SYN3: variants seen among roughly 807,000 people sequenced by gnomAD.
SYN3 encodes the protein synapsin-3.
In SYN3, 35 loss-of-function variants were observed where a neutral mutation model predicts 65.8. That is an observed-to-expected ratio of 0.53 (90% CI 0.41 to 0.70). SYN3 has a LOEUF of 0.70. Among genes scored for constraint, SYN3 ranks in the 30% least tolerant of loss-of-function variants. The pLI, the probability that SYN3 is intolerant of heterozygous loss-of-function variation, is 0.00. For synonymous variants in SYN3, 270 were observed against 292.9 expected (o/e 0.92, Z 0.80); for missense variants, 680 against 749.0 (o/e 0.91, Z 1.08).
chr22:32,749,122 G>C (rs1192888784), intron 6 of SYN3, among the ~76,000 whole-genome samples: 1 of 152,050 alleles, frequency 6.6e-6, no homozygotes, highest in Non-Finnish European at 1.5e-5. Flanking sequence ...CCAATATTAA[G>C]GTGTTGGCAA....
At chr22:33,047,119 G>A (rs1369623518) in intron 1 of SYN3, among the ~76,000 whole-genome samples, 3 of 152,088 alleles carry the variant, frequency 2.0e-5, no homozygotes, top group Admixed American at 6.5e-5. Context: ...ATCTATAATA[G>A]TATTTCCCTC....
chr22:33,047,230 G>A (rs2054082833), intron 1 of SYN3, among the ~76,000 whole-genome samples: 1 of 152,128 alleles, frequency 6.6e-6, no homozygotes, highest in South Asian at 2.1e-4. Context: ...AATATAAGAT[G>A]CATGAGGGTA....
chr22:32,625,709 C>A (rs1191690583), intron 6 of SYN3, among the ~76,000 whole-genome samples: 1 of 152,184 alleles, frequency 6.6e-6, no homozygotes, highest in Non-Finnish European at 1.5e-5. Flanking sequence ...CCCACCTCTT[C>A]CCCTGACAGT....
chr22:32,840,593 C>T (rs1223501258), intron 6 of SYN3, among the ~76,000 whole-genome samples: 1 of 151,976 alleles, frequency 6.6e-6, no homozygotes, highest in East Asian at 1.9e-4. Flanking sequence ...TTGCTCAGAG[C>T]CCGGCTGTGA....
chr22:32,797,250 G>A (rs2046451644), intron 6 of SYN3, among the ~76,000 whole-genome samples: 1 of 152,176 alleles, frequency 6.6e-6, no homozygotes, highest in African/African-American at 2.4e-5. Context: ...GAAAGGGGTC[G>A]GTGGTGCTGA....
chr22:32,562,142 C>T (rs894957197), intron 7 of SYN3, among the ~76,000 whole-genome samples: 12 of 152,200 alleles, frequency 7.9e-5, no homozygotes, highest in African/African-American at 2.9e-4. Context: ...AACATCCCCC[C>T]CAATACTTAA....
chr22:33,010,412 C>T (rs1290022838), intron 1 of SYN3, among the ~76,000 whole-genome samples: 2 of 152,074 alleles, frequency 1.3e-5, no homozygotes, highest in East Asian at 1.9e-4. Context: ...ATCCAGGTTG[C>T]CAGCACCATT....
chr22:32,754,294 G>T (rs972742639), intron 6 of SYN3, among the ~76,000 whole-genome samples: 4 of 152,232 alleles, frequency 2.6e-5, no homozygotes, highest in Non-Finnish European at 5.9e-5. Context: ...TGGGATTACA[G>T]GCACCTGCAA....
chr22:32,923,047 A>G (rs2050375198), intron 4 of SYN3, among the ~76,000 whole-genome samples: 1 of 152,194 alleles, frequency 6.6e-6, no homozygotes, highest in Admixed American at 6.5e-5. Context: ...AAGTTCCACA[A>G]GATGCTGGCT....
At chr22:32,656,098 G>A (rs951605164) in intron 6 of SYN3, among the ~76,000 whole-genome samples, 16 of 152,222 alleles carry the variant, frequency 1.1e-4, no homozygotes, top group Non-Finnish European at 1.8e-4. Context: ...AAACCAGTAA[G>A]TGTCCTTCCT....
chr22:33,020,076 TGA>T (rs2053535533), intron 1 of SYN3, among the ~76,000 whole-genome samples: 1 of 152,158 alleles, frequency 6.6e-6, no homozygotes, highest in African/African-American at 2.4e-5. Context: ...CAACCATCCC[TGA>T]GAGTCATTAA....
At chr22:32,557,263 A>G in intron 7 of SYN3, among the ~76,000 whole-genome samples, 1 of 152,152 alleles carries the variant, frequency 6.6e-6, no homozygotes, top group Non-Finnish European at 1.5e-5. Context: ...GAGGGTGACC[A>G]ACACCACAAA....
chr22:32,546,630 G>C (rs1030779180), intron 7 of SYN3, among the ~76,000 whole-genome samples: 5 of 152,132 alleles, frequency 3.3e-5, no homozygotes, highest in Admixed American at 3.3e-4. Context: ...ACAGCCCTGA[G>C]GATGGTGAAA....
intron 6 of SYN3, among the ~76,000 whole-genome samples, chr22:32,768,881 TAAG>T (rs2045694360): frequency 6.6e-6 from 1 of 152,152 alleles, no homozygotes; most frequent in Non-Finnish European, 1.5e-5. Context: ...TTAGAAGCAA[TAAG>T]AAGAGAACTG....
At chr22:32,641,969 G>A (rs1395777463) in intron 6 of SYN3, among the ~76,000 whole-genome samples, 1 of 152,042 alleles carries the variant, frequency 6.6e-6, no homozygotes, top group African/African-American at 2.4e-5. Context: ...CATTTCCTCT[G>A]GCAATCCTCA....
intron 6 of SYN3, among the ~76,000 whole-genome samples, chr22:32,654,856 C>T (rs2146968728): frequency 6.6e-6 from 1 of 152,362 alleles, no homozygotes; most frequent in Admixed American, 6.5e-5. Flanking sequence ...CCCTTTCTCT[C>T]CTGACATTTA....
intron 1 of SYN3, among the ~76,000 whole-genome samples, chr22:33,020,398 C>T (rs190536965): frequency 5.9e-5 from 9 of 152,190 alleles, no homozygotes; most frequent in Admixed American, 4.6e-4. Flanking sequence ...AGCCTCAGGA[C>T]ATAGGAGATG....
At chr22:32,761,020 C>T (rs2045464083) in intron 6 of SYN3, among the ~76,000 whole-genome samples, 1 of 152,172 alleles carries the variant, frequency 6.6e-6, no homozygotes, top group Non-Finnish European at 1.5e-5. Context: ...GCAGGGGGAG[C>T]TCCCGGGGTA....
intron 6 of SYN3, among the ~76,000 whole-genome samples, chr22:32,715,074 T>A (rs1316957720): frequency 7.9e-5 from 12 of 152,214 alleles, no homozygotes; most frequent in Non-Finnish European, 1.6e-4. Flanking sequence ...AAAACCTACA[T>A]GCCACAGTCT....
Sources: allele counts gnomAD v4.1 joint callset (sites outside exome capture counted in the v4.1 genomes callset), GRCh38; gene constraint gnomAD v4.1.1; transcripts MANE v1.5; gene names NCBI Gene and HGNC (gene_info 2026-07-23, HGNC 2026-07-21).